The following TNFRSF13B variants were observed in gnomAD, a reference collection of about 807,000 sequenced individuals.
TNFRSF13B encodes TNF receptor superfamily member 13B.
A neutral mutation model predicts 24.0 loss-of-function variants in TNFRSF13B; 34 were observed. That is an observed-to-expected ratio of 1.41 (90% CI 1.08 to 1.88). The LOEUF is 1.88. Ranked by LOEUF, TNFRSF13B falls within the 40% of genes most tolerant of loss-of-function variation. The pLI is 0.00. For missense variants in TNFRSF13B, 415 were observed against 380.8 expected, an observed-to-expected ratio of 1.09 and a Z score of -0.75; for synonymous variants, 173 against 150.3, an observed-to-expected ratio of 1.15 and a Z score of -1.10.
chr17:16,967,750 T>TTAAAAAAAAAA (rs1567657162), intron 1 of TNFRSF13B, among the ~76,000 whole-genome samples: 6 of 19,376 alleles, frequency 3.1e-4, no homozygotes, highest in African/African-American at 1.6e-3. Flanking sequence ...AGACTCCGTC[T>TTAAAAAAAAAA]CAAAAAAAAA....
intron 1 of TNFRSF13B, among the ~76,000 whole-genome samples, chr17:16,959,685 A>G (rs2087648482): frequency 6.6e-6 from 1 of 152,100 alleles, no homozygotes; most frequent in Non-Finnish European, 1.5e-5. Context: ...GGATTATAAA[A>G]GAATACTATA....
chr17:16,943,702 G>A (rs2087527454), intron 3 of TNFRSF13B, among the ~76,000 whole-genome samples: 1 of 152,148 alleles, frequency 6.6e-6, no homozygotes, highest in Admixed American at 6.5e-5. Context: ...CCCTCCTAGT[G>A]CCATCTCCAG....
At chr17:16,949,558 C>G (rs1186805455) in intron 2 of TNFRSF13B, among the ~76,000 whole-genome samples, 1 of 152,072 alleles carries the variant, frequency 6.6e-6, no homozygotes, top group African/African-American at 2.4e-5. Flanking sequence ...TGCCAAGGCA[C>G]AGAAGCCAAG....
intron 1 of TNFRSF13B, among the ~76,000 whole-genome samples, chr17:16,962,859 G>T (rs1275645437): frequency 6.6e-6 from 1 of 152,178 alleles, no homozygotes; most frequent in African/African-American, 2.4e-5. Context: ...CCGGGGGCCG[G>T]GGGAGGGGAA....
At chr17:16,953,185 T>C (rs953350213) in intron 1 of TNFRSF13B, among the ~76,000 whole-genome samples, 52 of 152,196 alleles carry the variant, frequency 3.4e-4, no homozygotes, top group Admixed American at 2.7e-3. Context: ...TAATTTTTCT[T>C]ATTAATTGCT....
At chr17:16,970,555 G>A (rs935611052) in intron 1 of TNFRSF13B, among the ~76,000 whole-genome samples, 14 of 152,392 alleles carry the variant, frequency 9.2e-5, no homozygotes, top group Admixed American at 2.0e-4. Context: ...CCAAGAGGGG[G>A]TCTGGTAGTT....
chr17:16,948,969 G>A lies in TNFRSF13B; in HGVS notation c.214C>T (p.Arg72Cys), dbSNP rs375514495. 5.8e-5 allele frequency: 94 copies of A among 1,613,966 alleles called. No homozygotes were observed. The highest frequency in any genetic ancestry group is 4.9e-4 in the Middle Eastern group (3 of 6,084). Residue 72 changes from arginine (R) to cysteine (C), a missense_variant, in exon 3 of 5, where the codon CGC becomes TGC. Arg to Cys is a radical substitution (Grantham distance 180). Transcript: ENST00000261652. ...CAAFCRSLSC[R>C]KEQGKFYDHL... ...TCATAGAACTTGCCTTGCTCCTTGC[G>A]GCAGCTGAGTGACCCTGGGAGAGAG...
intron 1 of TNFRSF13B, among the ~76,000 whole-genome samples, chr17:16,966,845 T>TC (rs1286080154): frequency 7.2e-6 from 1 of 138,264 alleles, no homozygotes; most frequent in Non-Finnish European, 1.5e-5. Context: ...TTTTCTTTTT[T>TC]TTTTTTTTTT....
At chr17:16,959,236 A>G (rs1034539104) in intron 1 of TNFRSF13B, among the ~76,000 whole-genome samples, 1 of 152,098 alleles carries the variant, frequency 6.6e-6, no homozygotes, top group Non-Finnish European at 1.5e-5. Flanking sequence ...AAATTGGTCG[A>G]AGAAGAAATG....
chr17:16,951,724 A>G (rs1008340835), intron 2 of TNFRSF13B, among the ~76,000 whole-genome samples: 3 of 152,244 alleles, frequency 2.0e-5, no homozygotes, highest in Admixed American at 6.5e-5. Flanking sequence ...CCCCATCTCT[A>G]CTAAAAATAC....
At chr17:16,967,765 A>G (rs920922009) in intron 1 of TNFRSF13B, among the ~76,000 whole-genome samples, 2 of 148,642 alleles carry the variant, frequency 1.3e-5, no homozygotes, top group African/African-American at 5.0e-5. Flanking sequence ...AAAAAAAAAA[A>G]AAAAAAAGAA....
intron 1 of TNFRSF13B, among the ~76,000 whole-genome samples, chr17:16,955,750 T>C (rs948134057): frequency 3.3e-5 from 5 of 152,254 alleles, no homozygotes; most frequent in Admixed American, 1.3e-4. Context: ...CTGTGCCTCC[T>C]GCTAAATGAC....
chr17:16,950,834 G>A (rs1459267614), intron 2 of TNFRSF13B, among the ~76,000 whole-genome samples: 1 of 151,730 alleles, frequency 6.6e-6, no homozygotes, highest in African/African-American at 2.4e-5. Flanking sequence ...TGCTCATAGT[G>A]CCCTTTCTTC....
At position 16,939,735 on chromosome 17, in the gene TNFRSF13B, A is replaced by C; in HGVS notation, c.694T>G (p.Phe232Val). 1 of 1,607,164 alleles carries C rather than the reference A, an allele frequency of 6.2e-7. No individual in the cohort carries two copies. Residue 232 changes from phenylalanine to valine, a missense_variant, in exon 5 of 5, where the codon TTC (phenylalanine) becomes GTC (valine). Phe to Val is a conservative substitution (Grantham distance 50). Coordinates refer to ENST00000261652, the MANE Select transcript of TNFRSF13B (RefSeq NM_012452.3). Reference protein sequence around the residue: ...TSPEPVETCSFCFPECRAPTQ... With the variant: ...TSPEPVETCSVCFPECRAPTQ... ...GGCGCCCTGCACTCAGGGAAGCAGA[A>C]GCTGCAGGTCTCCACTGGCTCGGGG...
At chr17:16,957,177 C>CTT (rs35401230) in intron 1 of TNFRSF13B, among the ~76,000 whole-genome samples, 1,528 of 135,706 alleles carry the variant, frequency 0.011, 30 homozygotes, top group East Asian at 0.057. Flanking sequence ...TAAAAGTAGT[C>CTT]TTTTTTTTTT....
At chr17:16,951,045 A>G (rs368095396) in intron 2 of TNFRSF13B, among the ~76,000 whole-genome samples, 25 of 152,244 alleles carry the variant, frequency 1.6e-4, no homozygotes, top group African/African-American at 4.6e-4. Context: ...TCCTATTTCC[A>G]TGGGGCTGGA....
chr17:16,960,850 T>C (rs1410737907), intron 1 of TNFRSF13B, among the ~76,000 whole-genome samples: 1 of 152,146 alleles, frequency 6.6e-6, no homozygotes, highest in East Asian at 1.9e-4. Context: ...TCAAATCATA[T>C]ACCTAATATG....
chr17:16,939,449 C>G lies in TNFRSF13B; in HGVS notation c.*98G>C. On this transcript the variant is annotated 3_prime_UTR_variant, in exon 5 of 5. Coordinates refer to ENST00000261652, the MANE Select transcript of TNFRSF13B (RefSeq NM_012452.3). ...TTCTCTCCCTCTCTGCCTCCTCTGTCTCTCTCTCCTCATATCTCTCTCCCC... is the reference window on the plus strand; with the variant it reads ...TTCTCTCCCTCTCTGCCTCCTCTGTGTCTCTCTCCTCATATCTCTCTCCCC... 1.5e-6 allele frequency: 2 copies of G among 1,374,008 alleles called. No homozygotes were observed. The highest frequency in any genetic ancestry group is 2.0e-6 in the Non-Finnish European group (2 of 1,015,384). 85.1% of individuals were successfully genotyped at this position (1,374,008 alleles called of 1,614,324 possible).
intron 1 of TNFRSF13B, among the ~76,000 whole-genome samples, chr17:16,966,852 T>TTTTTTTTTTTG: frequency 6.9e-6 from 1 of 144,730 alleles, no homozygotes; most frequent in Admixed American, 6.9e-5. Context: ...TTTTTTTTTT[T>TTTTTTTTTTTG]TTTTGAGATG....
Sources: gnomAD v4.1 joint callset for allele counts (sites outside exome capture counted in the v4.1 genomes callset) on GRCh38, gnomAD v4.1.1 for gene constraint, MANE v1.5 for transcripts, NCBI Gene and HGNC (gene_info 2026-07-23, HGNC 2026-07-21) for gene names.